The following CAMKMT variants were observed in gnomAD, a reference collection of about 807,000 sequenced individuals.
CAMKMT encodes calmodulin-lysine N-methyltransferase.
Under a neutral mutation model 48.0 loss-of-function variants are expected in CAMKMT, and 53 were observed. The observed-to-expected ratio is 1.10, with a 90% CI of 0.89 to 1.39. The LOEUF (loss-of-function observed/expected upper bound fraction) is 1.39. Among genes scored for constraint, CAMKMT ranks in the 40% most tolerant of loss-of-function variants. The probability of loss-of-function intolerance (pLI) is 0.00; values close to 1 mark genes in which losing one functional copy is unlikely to be tolerated. For synonymous variants in CAMKMT, 165 were observed against 152.3 expected (o/e 1.08, Z -0.61); for missense variants, 428 against 402.7 (o/e 1.06, Z -0.54).
intron 3 of CAMKMT, among the ~76,000 whole-genome samples, chr2:44,632,561 A>G (rs888379902): frequency 7.9e-5 from 12 of 152,208 alleles, no homozygotes; most frequent in Admixed American, 6.5e-4. Context: ...AAAATCCTAC[A>G]TATCTAACAA....
chr2:44,639,995 A>G (rs989460285), intron 3 of CAMKMT, among the ~76,000 whole-genome samples: 2 of 152,200 alleles, frequency 1.3e-5, no homozygotes, highest in East Asian at 1.9e-4. Context: ...CCTGGCAGGA[A>G]GCATCTATCA....
At chr2:44,561,666 T>C (rs945363347) in intron 3 of CAMKMT, among the ~76,000 whole-genome samples, 1 of 151,764 alleles carries the variant, frequency 6.6e-6, no homozygotes, top group African/African-American at 2.4e-5. Flanking sequence ...TTATTAGGAG[T>C]TTTTCAATCT....
chr2:44,507,546 T>C (rs1670325131), intron 3 of CAMKMT, among the ~76,000 whole-genome samples: 1 of 152,206 alleles, frequency 6.6e-6, no homozygotes, highest in African/African-American at 2.4e-5. Context: ...TTTTTTCTTG[T>C]CTATTTTCTG....
At chr2:44,688,855 G>A (rs1162184743) in intron 3 of CAMKMT, among the ~76,000 whole-genome samples, 2 of 152,302 alleles carry the variant, frequency 1.3e-5, no homozygotes, top group South Asian at 2.1e-4. Context: ...TACCAGGACT[G>A]TTTAATGAAT....
intron 3 of CAMKMT, among the ~76,000 whole-genome samples, chr2:44,426,647 T>A (rs188970365): frequency 6.6e-5 from 10 of 152,202 alleles, no homozygotes; most frequent in Non-Finnish European, 1.2e-4. Context: ...GAGGAGAACT[T>A]AAAACACTGC....
At chr2:44,463,313 G>T (rs1667942130) in intron 3 of CAMKMT, among the ~76,000 whole-genome samples, 2 of 152,184 alleles carry the variant, frequency 1.3e-5, no homozygotes, top group Admixed American at 6.5e-5. Context: ...CCAGAAGCCA[G>T]TTGTGAATTC....
intron 2 of CAMKMT, among the ~76,000 whole-genome samples, chr2:44,387,011 CTGTA>C (rs932364945): frequency 5.3e-5 from 8 of 152,110 alleles, no homozygotes; most frequent in African/African-American, 1.9e-4. Flanking sequence ...ACAAAATGTT[CTGTA>C]TGTATCTGTT....
At chr2:44,413,497 C>T (rs918940608) in intron 3 of CAMKMT, among the ~76,000 whole-genome samples, 2 of 151,780 alleles carry the variant, frequency 1.3e-5, no homozygotes, top group Admixed American at 6.6e-5. Context: ...ACTAAAAATA[C>T]AAAAATTAGC....
intron 3 of CAMKMT, among the ~76,000 whole-genome samples, chr2:44,522,143 A>G (rs1012694120): frequency 1.3e-5 from 2 of 151,876 alleles, no homozygotes; most frequent in African/African-American, 4.8e-5. Flanking sequence ...AGCTGGGACT[A>G]CAGGCACATG....
At chr2:44,531,839 A>G (rs954924951) in intron 3 of CAMKMT, among the ~76,000 whole-genome samples, 5 of 152,186 alleles carry the variant, frequency 3.3e-5, no homozygotes, top group Non-Finnish European at 5.9e-5. Flanking sequence ...AATACATTTA[A>G]AAAGAACATA....
intron 3 of CAMKMT, among the ~76,000 whole-genome samples, chr2:44,519,242 C>T (rs368480288): frequency 2.6e-5 from 4 of 152,158 alleles, no homozygotes; most frequent in African/African-American, 9.7e-5. Context: ...CTTTCTTCTA[C>T]TGGTGGACAT....
intron 6 of CAMKMT, among the ~76,000 whole-genome samples, chr2:44,710,747 C>T (rs1427321862): frequency 1.3e-5 from 2 of 152,062 alleles, no homozygotes; most frequent in East Asian, 3.8e-4. Flanking sequence ...ACATGGTATA[C>T]TGAGTTATTA....
At chr2:44,565,067 T>C (rs1668539509) in intron 3 of CAMKMT, among the ~76,000 whole-genome samples, 1 of 152,160 alleles carries the variant, frequency 6.6e-6, no homozygotes, top group Non-Finnish European at 1.5e-5. Flanking sequence ...TTCTACTGGG[T>C]TGAGGGTTCT....
chr2:44,751,234 C>A (rs1056184676), intron 8 of CAMKMT, among the ~76,000 whole-genome samples: 2 of 152,158 alleles, frequency 1.3e-5, no homozygotes, highest in Non-Finnish European at 2.9e-5. Context: ...CATCTGATGA[C>A]CTCCGTCTTT....
At chr2:44,735,135 A>G (rs1446080488) in intron 7 of CAMKMT, among the ~76,000 whole-genome samples, 1 of 152,226 alleles carries the variant, frequency 6.6e-6, no homozygotes, top group African/African-American at 2.4e-5. Context: ...TTGCTCTGAA[A>G]TCTACTATGT....
intron 3 of CAMKMT, among the ~76,000 whole-genome samples, chr2:44,622,080 G>A (rs141303972): frequency 1.9e-4 from 29 of 152,258 alleles, no homozygotes; most frequent in Non-Finnish European, 3.1e-4. Context: ...TTTAATTTAC[G>A]TAAATCATTC....
chr2:44,542,691 G>A (rs551833933), intron 3 of CAMKMT, among the ~76,000 whole-genome samples: 2 of 152,308 alleles, frequency 1.3e-5, no homozygotes, highest in East Asian at 3.9e-4. Context: ...GGAAGAGGGA[G>A]AGGGGAGGTT....
intron 3 of CAMKMT, among the ~76,000 whole-genome samples, chr2:44,427,060 G>A (rs1293941472): frequency 6.6e-6 from 1 of 152,044 alleles, no homozygotes; most frequent in African/African-American, 2.4e-5. Flanking sequence ...CAACAATGGG[G>A]GAAGGATACC....
chr2:44,542,051 A>C (rs4953098), intron 3 of CAMKMT, among the ~76,000 whole-genome samples: 106,142 of 150,844 alleles, frequency 0.7, 37,862 homozygotes, highest in Middle Eastern at 0.77. Context: ...ATCGCTTGAA[A>C]CCGGGAGGCG....
Sources: allele counts gnomAD v4.1 joint callset (sites outside exome capture counted in the v4.1 genomes callset), GRCh38; gene constraint gnomAD v4.1.1; transcripts MANE v1.5; gene names NCBI Gene and HGNC (gene_info 2026-07-23, HGNC 2026-07-21).